Variants in MOSMO observed in about 807,000 individuals in gnomAD.
MOSMO encodes modulator of smoothened protein.
A neutral mutation model predicts 18.4 loss-of-function variants in MOSMO; 5 were observed. The observed-to-expected ratio is 0.27, with a 90% CI of 0.14 to 0.57. The LOEUF (loss-of-function observed/expected upper bound fraction) is 0.57. Among genes scored for constraint, MOSMO ranks in the 20% least tolerant of loss-of-function variants. The pLI, the probability that MOSMO is intolerant of heterozygous loss-of-function variation, is 0.92. For synonymous variants in MOSMO, 82 were observed against 82.3 expected (o/e 1.00, Z 0.02); for missense variants, 138 against 211.8 (o/e 0.65, Z 2.16).
At chr16:22,050,301 C>T (rs1900396173) in intron 1 of MOSMO, among the ~76,000 whole-genome samples, 1 of 152,114 alleles carries the variant, frequency 6.6e-6, no homozygotes. Context: ...AAAATAGTTC[C>T]AATGTTTTAG....
intron 1 of MOSMO, among the ~76,000 whole-genome samples, chr16:22,056,551 T>C (rs912183560): frequency 2.0e-5 from 3 of 149,598 alleles, no homozygotes; most frequent in African/African-American, 7.5e-5. Flanking sequence ...TATATATATA[T>C]ATATTTTTTT....
chr16:22,036,792 G>C (rs934446073), intron 1 of MOSMO, among the ~76,000 whole-genome samples: 5 of 152,054 alleles, frequency 3.3e-5, no homozygotes, highest in Admixed American at 3.3e-4. Flanking sequence ...TTTTCTGAAG[G>C]GCCTTTTACA....
rs146469825 is a variant in MOSMO, at chr16:22,056,268, A to C, written c.107-19219A>C. On this transcript the variant is annotated intron_variant, in intron 1 of 2. Transcript: ENST00000542527. ...TAACTTATATTCTAGGACATCTGCC[A>C]CTGACGCCTGAGTTCAGACATTAAT... 1.5e-3 allele frequency among the ~76,000 whole-genome samples: 228 copies of C among 151,690 alleles called. 1 individual carries two copies. Among genetic ancestry groups the C allele is most frequent in the African/African-American group, 5.4e-3 (222 of 41,376 alleles).
chr16:22,069,696 T>C (rs959361360), intron 1 of MOSMO, among the ~76,000 whole-genome samples: 28 of 152,276 alleles, frequency 1.8e-4, no homozygotes, highest in African/African-American at 6.7e-4. Context: ...AAAATGGTAG[T>C]TGGGGCAAAA....
At chr16:22,052,451 T>C (rs372099451) in intron 1 of MOSMO, among the ~76,000 whole-genome samples, 8 of 152,198 alleles carry the variant, frequency 5.3e-5, no homozygotes, top group East Asian at 3.8e-4. Flanking sequence ...AACAATTTGG[T>C]ATTATCTAAT....
chr16:22,026,688 GATTC>G (rs1473804915), intron 1 of MOSMO, among the ~76,000 whole-genome samples: 2 of 152,280 alleles, frequency 1.3e-5, no homozygotes, highest in East Asian at 3.9e-4. Context: ...TTTTGGAAAT[GATTC>G]ATTCATTAAA....
intron 1 of MOSMO, among the ~76,000 whole-genome samples, chr16:22,043,455 A>G (rs1481765840): frequency 6.6e-6 from 1 of 151,678 alleles, no homozygotes; most frequent in South Asian, 2.1e-4. Context: ...CTATTCACAC[A>G]CTCTTGCCTC....
chr16:22,081,978 CTATT>C lies in MOSMO; in HGVS notation c.*1101_*1104del, dbSNP rs1453629254. 1 of 152,150 alleles carries C rather than the reference CTATT, an allele frequency of 6.6e-6. No individual in the cohort carries two copies. Among genetic ancestry groups the C allele is most frequent in the Non-Finnish European group, 1.5e-5 (1 of 68,024 alleles). The allele number at this position is 152,150 out of a possible 1,614,324, so 9.4% of individuals were successfully genotyped here. A position where few individuals can be genotyped will look rare whatever the true frequency, so the allele number is the denominator to read the frequency against. On this transcript the variant is annotated 3_prime_UTR_variant, in exon 3 of 3. Transcript: ENST00000542527. ...ACCTTATAATTTGGGGAATCTGACACTATTTAAATTATTGGCAACTGTTGTCTGT... is the reference window on the plus strand; with the variant it reads ...ACCTTATAATTTGGGGAATCTGACACTAAATTATTGGCAACTGTTGTCTGT...
In MOSMO at chr16:22,083,318, A is replaced by C. The variant is rs978516644; in HGVS notation, c.*2438A>C. ...TTACCCAAACCATTAAATTGTCTTT[A>C]ATTTCATTGTTGTCTTGGAGGTCCA... On this transcript the variant is annotated 3_prime_UTR_variant, in exon 3 of 3. Coordinates refer to ENST00000542527, the MANE Select transcript of MOSMO (RefSeq NM_001164579.2). 6.4e-6 allele frequency: 1 copy of C among 155,816 alleles called. No individual in the cohort carries two copies. The highest frequency in any genetic ancestry group is 2.4e-5 in the African/African-American group (1 of 41,446). 9.7% of individuals were successfully genotyped at this position (155,816 alleles called of 1,614,324 possible). A position where few individuals can be genotyped will look rare whatever the true frequency, so the allele number is the denominator to read the frequency against.
chr16:22,062,427 A>G (rs1263428623), intron 1 of MOSMO, among the ~76,000 whole-genome samples: 5 of 152,074 alleles, frequency 3.3e-5, no homozygotes, highest in South Asian at 2.1e-4. Flanking sequence ...AGCTCAAGCA[A>G]TCCTCCCACC....
chr16:22,067,204 A>G (rs1362645540), intron 1 of MOSMO, among the ~76,000 whole-genome samples: 1 of 152,220 alleles, frequency 6.6e-6, no homozygotes, highest in Non-Finnish European at 1.5e-5. Context: ...AATAATGAAA[A>G]GTGAAGAGAA....
intron 2 of MOSMO, among the ~76,000 whole-genome samples, chr16:22,076,537 C>T (rs903640583): frequency 6.6e-6 from 1 of 152,194 alleles, no homozygotes; most frequent in African/African-American, 2.4e-5. Context: ...AGTAGAGCCA[C>T]TGTTTAGAAA....
chr16:22,081,203 A>AT lies in MOSMO; in HGVS notation c.*324dup, dbSNP rs1345580506. On this transcript the variant is annotated 3_prime_UTR_variant, in exon 3 of 3. Transcript: ENST00000542527. ...AGGAGAATGCTTTATACCGAAAAGC[A>AT]TGTGGCCCTTTGTGACTCTGTTATT... is the stretch of plus-strand genomic sequence containing the variant. The AT allele has an allele frequency of 1.3e-5, 2 of 159,398 alleles. No individual in the cohort carries two copies. The highest frequency in any genetic ancestry group is 2.8e-5 in the Non-Finnish European group (2 of 72,396). 9.9% of individuals were successfully genotyped at this position (159,398 alleles called of 1,614,324 possible).
At chr16:22,053,446 C>G (rs1900468600) in intron 1 of MOSMO, among the ~76,000 whole-genome samples, 1 of 151,942 alleles carries the variant, frequency 6.6e-6, no homozygotes, top group Non-Finnish European at 1.5e-5. Flanking sequence ...AAAAATAATA[C>G]ACAGACACAC....
intron 2 of MOSMO, 180 bp downstream of exon 2, chr16:22,075,879 C>T: frequency 3.7e-6 from 2 of 546,346 alleles, no homozygotes; most frequent in South Asian, 4.2e-5. Flanking sequence ...TTCTGCAAGA[C>T]CAGGACATCC....
intron 1 of MOSMO, among the ~76,000 whole-genome samples, chr16:22,027,421 C>T (rs1485020932): frequency 6.6e-6 from 1 of 152,160 alleles, no homozygotes; most frequent in African/African-American, 2.4e-5. Context: ...AGACTTGGTT[C>T]ATGTTCTAAC....
intron 1 of MOSMO, among the ~76,000 whole-genome samples, chr16:22,042,061 G>T (rs1325503670): frequency 1.3e-5 from 2 of 152,180 alleles, no homozygotes; most frequent in Admixed American, 1.3e-4. Context: ...GTTTCCAGGA[G>T]ATTTTTCAGG....
intron 1 of MOSMO, among the ~76,000 whole-genome samples, chr16:22,065,228 A>G (rs1384250524): frequency 1.3e-5 from 2 of 152,240 alleles, no homozygotes; most frequent in African/African-American, 4.8e-5. Context: ...ACAGGTGGTA[A>G]TAGTTGTCTT....
downstream of MOSMO, among the ~76,000 whole-genome samples, chr16:22,089,551 C>T (rs1299650952): frequency 1.3e-5 from 2 of 152,258 alleles, no homozygotes; most frequent in East Asian, 1.9e-4. Flanking sequence ...TAGGAATTTA[C>T]TGGTTATTGG....
Sources: gnomAD v4.1 joint callset for allele counts (sites outside exome capture counted in the v4.1 genomes callset) on GRCh38, gnomAD v4.1.1 for gene constraint, MANE v1.5 for transcripts, NCBI Gene and HGNC (gene_info 2026-07-23, HGNC 2026-07-21) for gene names.